CBR4: variants seen among roughly 807,000 people sequenced by gnomAD.
CBR4 encodes the protein carbonyl reductase 4.
A neutral mutation model predicts 21.0 loss-of-function variants in CBR4; 22 were observed. That is an observed-to-expected ratio of 1.05 (90% CI 0.75 to 1.50). The LOEUF is 1.50. Among genes scored for constraint, CBR4 ranks in the 40% most tolerant of loss-of-function variants. The probability of loss-of-function intolerance (pLI) is 0.00; values close to 1 mark genes in which losing one functional copy is unlikely to be tolerated. For synonymous variants in CBR4, 100 were observed against 104.4 expected (o/e 0.96, Z 0.26); for missense variants, 302 against 286.3 (o/e 1.05, Z -0.40).
chr4:168,918,538 G>C (rs963714962), intron 2 of CBR4, among the ~76,000 whole-genome samples: 1 of 152,104 alleles, frequency 6.6e-6, no homozygotes, highest in African/African-American at 2.4e-5. Flanking sequence ...GACGGGGAGA[G>C]GGAAAGTTGG....
At chr4:168,907,584 A>C (rs540701666) in intron 2 of CBR4, among the ~76,000 whole-genome samples, 1 of 152,008 alleles carries the variant, frequency 6.6e-6, no homozygotes, top group African/African-American at 2.4e-5. Context: ...GCTGCTCTCT[A>C]CTCTCAGCAC....
intron 2 of CBR4, 55 bp from the exon 3 acceptor site, chr4:169,006,946 G>C: frequency 7.1e-7 from 1 of 1,407,778 alleles, no homozygotes; most frequent in South Asian, 1.2e-5. Flanking sequence ...AAACCAAAAA[G>C]GTCAAGACTA....
intron 2 of CBR4, among the ~76,000 whole-genome samples, chr4:168,906,312 A>G (rs778559618): frequency 5.3e-5 from 8 of 152,256 alleles, no homozygotes; most frequent in Non-Finnish European, 1.2e-4. Flanking sequence ...TAAAACTGCA[A>G]TTGTGAGTCC....
chr4:168,947,421 G>C (rs780345500), intron 2 of CBR4, among the ~76,000 whole-genome samples: 2 of 152,082 alleles, frequency 1.3e-5, no homozygotes, highest in Non-Finnish European at 2.9e-5. Flanking sequence ...CTGGGGTACA[G>C]GTGGTGTTTG....
At chr4:168,972,563 T>C (rs1307409200) in intron 2 of CBR4, among the ~76,000 whole-genome samples, 4 of 152,238 alleles carry the variant, frequency 2.6e-5, no homozygotes, top group Admixed American at 6.5e-5. Context: ...GGTTAAGTTC[T>C]TGATTTGATT....
chr4:168,982,380 T>C (rs1228865675), intron 2 of CBR4, among the ~76,000 whole-genome samples: 2 of 152,088 alleles, frequency 1.3e-5, no homozygotes, highest in African/African-American at 4.8e-5. Flanking sequence ...CCTAAATATA[T>C]ATATATGCAG....
chr4:168,997,483 C>G (rs1765260823), intron 4 of CBR4, among the ~76,000 whole-genome samples: 1 of 151,990 alleles, frequency 6.6e-6, no homozygotes, highest in South Asian at 2.1e-4. Context: ...GCCTGTAATC[C>G]CAGCTACTAC....
chr4:168,901,190 T>C (rs1251566010), intron 2 of CBR4, among the ~76,000 whole-genome samples: 1 of 152,232 alleles, frequency 6.6e-6, no homozygotes, highest in Non-Finnish European at 1.5e-5. Flanking sequence ...CTTTGGCATA[T>C]GCCATATAAA....
chr4:168,966,880 T>A (rs1764055175), intron 2 of CBR4, among the ~76,000 whole-genome samples: 1 of 151,930 alleles, frequency 6.6e-6, no homozygotes. Context: ...TAGCCGGGTG[T>A]GGTGGCAGGT....
intron 2 of CBR4, among the ~76,000 whole-genome samples, chr4:168,936,744 G>A (rs192338572): frequency 0.013 from 2,028 of 152,216 alleles, 16 homozygotes; most frequent in Non-Finnish European, 0.021. Context: ...AAAAAAGAAT[G>A]AAAAGGAATG....
intron 2 of CBR4, among the ~76,000 whole-genome samples, chr4:168,918,138 G>C (rs1409583014): frequency 6.6e-6 from 1 of 151,178 alleles, no homozygotes; most frequent in African/African-American, 2.4e-5. Context: ...GGCAGAGGTT[G>C]CATCACTGCA....
rs755238391 is a variant in CBR4, at chr4:169,006,730, T to G, written c.400+25A>C. 13 of 1,595,686 alleles carry G rather than the reference T, an allele frequency of 8.1e-6. No homozygotes were observed. The Admixed American group carries it at 2.2e-4, about 27-fold the overall frequency. On this transcript the variant is annotated intron_variant, in intron 3 of 4. Coordinates refer to ENST00000306193, the MANE Select transcript of CBR4 (RefSeq NM_032783.5). ...ATGGTATGGTATTATGGGATAATCA[T>G]AAATTCACAAAGGTGAAGACTCACC...
rs1309625596 is a variant in CBR4, at chr4:168,990,285, A to G, written c.579T>C (p.His193=). 6.2e-7 allele frequency: 1 copy of G among 1,611,852 alleles called. No homozygotes were observed. Among genetic ancestry groups the G allele is most frequent in the Non-Finnish European group, 8.5e-7 (1 of 1,178,792 alleles). ...TDMTKDLKEE[H]LKKNIPLGRF... is the part of the protein sequence containing the mutation. The stretch of plus-strand genomic sequence containing the variant: ...TCCCAAGAGGAATATTTTTCTTTAA[A>G]TGTTCTTCTTTCAAGTCTTTCGTCA... Residue 193 remains histidine, a synonymous_variant, in exon 5 of 5, where the codon CAT becomes CAC. Transcript: ENST00000306193.
chr4:168,900,797 C>T (rs1055296893), intron 2 of CBR4, among the ~76,000 whole-genome samples: 12 of 152,256 alleles, frequency 7.9e-5, no homozygotes, highest in African/African-American at 2.9e-4. Flanking sequence ...TGTGTATTCA[C>T]AACATGTTAT....
At chr4:168,977,135 G>A (rs555536775) in intron 2 of CBR4, among the ~76,000 whole-genome samples, 1 of 152,316 alleles carries the variant, frequency 6.6e-6, no homozygotes, top group East Asian at 1.9e-4. Flanking sequence ...TTCACAGTGT[G>A]AGTCTCCAGA....
intron 2 of CBR4, chr4:168,904,204 G>A: frequency 5.9e-6 from 2 of 340,418 alleles, no homozygotes; most frequent in South Asian, 3.7e-5. Flanking sequence ...AAAGTCCTAT[G>A]GTAAAAAATA....
downstream of CBR4, among the ~76,000 whole-genome samples, chr4:168,984,143 C>T (rs1764618551): frequency 1.3e-5 from 2 of 151,952 alleles, no homozygotes; most frequent in South Asian, 2.1e-4. Context: ...TGATGTAATG[C>T]TATACTAGAA....
chr4:168,982,159 T>G (rs142458704), intron 2 of CBR4, among the ~76,000 whole-genome samples: 119 of 152,328 alleles, frequency 7.8e-4, no homozygotes, highest in African/African-American at 2.5e-3. Flanking sequence ...AACTGTATGC[T>G]GTCTTCAAGA....
At chr4:168,907,525 C>T (rs1432956637) in intron 2 of CBR4, among the ~76,000 whole-genome samples, 3 of 152,158 alleles carry the variant, frequency 2.0e-5, no homozygotes, top group East Asian at 3.9e-4. Context: ...AGCTAGAGGA[C>T]GGCCACACCC....
Sources: allele counts gnomAD v4.1 joint callset (sites outside exome capture counted in the v4.1 genomes callset), GRCh38; gene constraint gnomAD v4.1.1; transcripts MANE v1.5; gene names NCBI Gene and HGNC (gene_info 2026-07-23, HGNC 2026-07-21).